Variants in GOLM1 observed in about 807,000 individuals in gnomAD.
GOLM1 encodes the protein epididymis luminal protein 46.
Under a neutral mutation model 50.5 loss-of-function variants are expected in GOLM1, and 31 were observed. The observed-to-expected ratio is 0.61, with a 90% CI of 0.46 to 0.83. The LOEUF (loss-of-function observed/expected upper bound fraction) is 0.83, where lower values mean the gene tolerates loss of function less well. Ranked by LOEUF, GOLM1 falls within the 40% of genes least tolerant of loss-of-function variation. The probability of loss-of-function intolerance (pLI) is 0.00; values close to 1 mark genes in which losing one functional copy is unlikely to be tolerated. For synonymous variants in GOLM1, 178 were observed against 192.8 expected (o/e 0.92, Z 0.64); for missense variants, 491 against 501.3 (o/e 0.98, Z 0.20).
chr9:86,068,178 G>A (rs137939439), intron 3 of GOLM1, among the ~76,000 whole-genome samples: 2 of 152,294 alleles, frequency 1.3e-5, no homozygotes, highest in African/African-American at 4.8e-5. Context: ...GCCATGTGAG[G>A]TGGAAATTGC....
intron 3 of GOLM1, among the ~76,000 whole-genome samples, chr9:86,071,195 C>T (rs1170572737): frequency 6.6e-6 from 1 of 152,080 alleles, no homozygotes; most frequent in African/African-American, 2.4e-5. Context: ...CTCCTGGGCT[C>T]AAGGTGATCC....
intron 3 of GOLM1, among the ~76,000 whole-genome samples, chr9:86,076,748 G>A (rs952494519): frequency 2.0e-5 from 3 of 150,390 alleles, no homozygotes; most frequent in African/African-American, 4.9e-5. Context: ...ACCTGTAATC[G>A]CAGCTACTCA....
At chr9:86,029,453 T>C (rs1429179637) in intron 9 of GOLM1, among the ~76,000 whole-genome samples, 12 of 152,180 alleles carry the variant, frequency 7.9e-5, no homozygotes, top group African/African-American at 2.9e-4. Context: ...AGCTGATGTC[T>C]GTATGTAGCT....
chr9:86,079,371 C>T, intron 1 of GOLM1, 30 bp from the exon 2 acceptor site: 8 of 1,524,998 alleles, frequency 5.2e-6, no homozygotes, highest in Non-Finnish European at 7.1e-6. Flanking sequence ...AAATAAACAT[C>T]AATACTAGTT....
chr9:86,079,588 C>G (rs766298980), intron 1 of GOLM1: 19 of 338,314 alleles, frequency 5.6e-5, no homozygotes, highest in Non-Finnish European at 7.9e-5. Flanking sequence ...GGCACCGCCC[C>G]GAAACCTGCC....
chr9:86,030,313 CAG>C (rs1245366468), intron 9 of GOLM1, among the ~76,000 whole-genome samples: 2 of 150,402 alleles, frequency 1.3e-5, no homozygotes, highest in Non-Finnish European at 2.9e-5. Flanking sequence ...TCAATGACAA[CAG>C]AGAGTTTGTA....
At chr9:86,083,929 A>G (rs1834868949) in intron 1 of GOLM1, among the ~76,000 whole-genome samples, 1 of 152,208 alleles carries the variant, frequency 6.6e-6, no homozygotes, top group Non-Finnish European at 1.5e-5. Context: ...TCCTCCTTTC[A>G]TGTGAATGCT....
intron 1 of GOLM1, among the ~76,000 whole-genome samples, chr9:86,088,649 A>C (rs1835073291): frequency 7.2e-6 from 1 of 138,236 alleles, no homozygotes; most frequent in South Asian, 2.2e-4. Context: ...TTTTGAGCCT[A>C]TGTGTGTCTC....
intron 8 of GOLM1, among the ~76,000 whole-genome samples, chr9:86,034,332 G>C (rs1170394594): frequency 6.6e-6 from 1 of 152,170 alleles, no homozygotes; most frequent in Non-Finnish European, 1.5e-5. Flanking sequence ...CTCACTGCCT[G>C]GGGTGGAAAC....
At chr9:86,062,121 C>T (rs1338619023) in intron 3 of GOLM1, among the ~76,000 whole-genome samples, 3 of 152,162 alleles carry the variant, frequency 2.0e-5, no homozygotes, top group African/African-American at 7.2e-5. Flanking sequence ...CCTGTGTTGT[C>T]ACAGGGAAGG....
At chr9:86,068,684 C>T (rs1834372556) in intron 3 of GOLM1, among the ~76,000 whole-genome samples, 1 of 152,222 alleles carries the variant, frequency 6.6e-6, no homozygotes. Flanking sequence ...ACTGCAGATG[C>T]AGGAGCAAAA....
Position 86,027,745 on chromosome 9 carries a change from T to C in GOLM1, c.*72A>G. 6.4e-7 allele frequency: 1 copy of C among 1,551,264 alleles called. No individual in the cohort carries two copies. The highest frequency in any genetic ancestry group is 1.2e-5 in the South Asian group (1 of 81,382). ...ATTTAGTACATTTCACAGTTTTCAGTATTCAGTCCCTCATGAACATTTTAT... is the reference window on the plus strand; with the variant it reads ...ATTTAGTACATTTCACAGTTTTCAGCATTCAGTCCCTCATGAACATTTTAT... On this transcript the variant is annotated 3_prime_UTR_variant, in exon 10 of 10. Transcript: ENST00000388712.
chr9:86,070,639 C>T (rs888548466), intron 3 of GOLM1, among the ~76,000 whole-genome samples: 1 of 151,914 alleles, frequency 6.6e-6, no homozygotes, highest in Non-Finnish European at 1.5e-5. Context: ...TCCTCCAAAA[C>T]AGCATTCAAG....
At chr9:86,035,866 C>CAAAAAAAA (rs1276980708) in intron 7 of GOLM1, among the ~76,000 whole-genome samples, 574 of 46,516 alleles carry the variant, frequency 0.012, 34 homozygotes, top group East Asian at 0.04. Flanking sequence ...AGTAGCTTAC[C>CAAAAAAAA]AAAAAAAAAA....
intron 1 of GOLM1, among the ~76,000 whole-genome samples, chr9:86,095,665 G>A (rs916521923): frequency 7.2e-5 from 11 of 152,110 alleles, no homozygotes; most frequent in South Asian, 2.1e-4. Context: ...GATTATGCGC[G>A]CGTGGGAAAG....
At chr9:86,042,936 G>T (rs1346401224) in intron 5 of GOLM1, among the ~76,000 whole-genome samples, 2 of 152,174 alleles carry the variant, frequency 1.3e-5, no homozygotes, top group African/African-American at 4.8e-5. Context: ...TTTCTTACAT[G>T]TAAGTGGCAA....
At chr9:86,039,668 A>G (rs1329357461) in intron 6 of GOLM1, among the ~76,000 whole-genome samples, 2 of 152,182 alleles carry the variant, frequency 1.3e-5, no homozygotes, top group Non-Finnish European at 2.9e-5. Flanking sequence ...ATTCATACTC[A>G]GTCAAAGATA....
intron 1 of GOLM1, among the ~76,000 whole-genome samples, chr9:86,088,567 G>GT: frequency 3.4e-5 from 2 of 58,788 alleles, no homozygotes; most frequent in African/African-American, 3.2e-4. Flanking sequence ...GCAACTCCTG[G>GT]TTTTGTTTTT....
chr9:86,054,941 C>G (rs565365394), intron 3 of GOLM1, among the ~76,000 whole-genome samples: 1 of 152,164 alleles, frequency 6.6e-6, no homozygotes, highest in Non-Finnish European at 1.5e-5. Flanking sequence ...GACATGCTGC[C>G]CATAACGTGG....
Sources: allele counts gnomAD v4.1 joint callset (sites outside exome capture counted in the v4.1 genomes callset), GRCh38; gene constraint gnomAD v4.1.1; transcripts MANE v1.5; gene names NCBI Gene and HGNC (gene_info 2026-07-23, HGNC 2026-07-21).